The following ZNF804A variants were observed in gnomAD, a reference collection of about 807,000 sequenced individuals.
The protein encoded by ZNF804A is zinc finger protein 804A.
Under a neutral mutation model 16.5 loss-of-function variants are expected in ZNF804A, and 2 were observed. The ratio of observed to expected loss-of-function variants is 0.12; its 90% CI spans 0.05 to 0.38. The LOEUF (loss-of-function observed/expected upper bound fraction) is 0.38, where lower values mean the gene tolerates loss of function less well. Among genes scored for constraint, ZNF804A ranks in the 10% least tolerant of loss-of-function variants. The pLI, the probability that ZNF804A is intolerant of heterozygous loss-of-function variation, is 0.99. For synonymous variants in ZNF804A, 534 were observed against 489.6 expected, an observed-to-expected ratio of 1.09 and a Z score of -1.20; for missense variants, 1,473 against 1,390.7, an observed-to-expected ratio of 1.06 and a Z score of -0.94.
chr2:184,625,124 G>T (rs1398192055), intron 1 of ZNF804A, among the ~76,000 whole-genome samples: 1 of 152,246 alleles, frequency 6.6e-6, no homozygotes, highest in Non-Finnish European at 1.5e-5. Context: ...AAATGAAAAT[G>T]TCAAGAATCA....
At chr2:184,789,774 C>T (rs1263598817) in intron 1 of ZNF804A, among the ~76,000 whole-genome samples, 2 of 151,998 alleles carry the variant, frequency 1.3e-5, no homozygotes, top group African/African-American at 4.8e-5. Context: ...TTTCAAGAAA[C>T]CAACTTTTAG....
chr2:184,850,890 A>G (rs1040965538), intron 1 of ZNF804A, among the ~76,000 whole-genome samples: 4 of 151,816 alleles, frequency 2.6e-5, no homozygotes, highest in African/African-American at 7.2e-5. Context: ...TACAACTACT[A>G]TTCATCAATG....
At chr2:184,834,552 C>T (rs144347231) in intron 1 of ZNF804A, among the ~76,000 whole-genome samples, 143 of 152,214 alleles carry the variant, frequency 9.4e-4, no homozygotes, top group African/African-American at 3.3e-3. Context: ...CTTGCTGCTG[C>T]TCCCTTTACC....
chr2:184,600,563 A>T (rs777045558), intron 1 of ZNF804A, among the ~76,000 whole-genome samples: 2 of 152,176 alleles, frequency 1.3e-5, no homozygotes, highest in South Asian at 4.1e-4. Flanking sequence ...TGGGGGAAAA[A>T]CTTTCAGTCT....
chr2:184,937,915 C>A lies in ZNF804A; in HGVS notation c.2519C>A (p.Ser840Tyr). ...ACAGATTATCCCGTGAAAGACAATT[C>A]TTCCTTAAATCCTCTGGATAGGTTA... Reference protein sequence around the residue: ...ENTDYPVKDNSSLNPLDRLIS... With the variant: ...ENTDYPVKDNYSLNPLDRLIS... The change falls in exon 4 of 4, where the codon TCT becomes TAT. Residue 840 changes from serine (S) to tyrosine (Y), a missense_variant. Ser to Tyr is a moderately radical substitution (Grantham distance 144). Transcript: ENST00000302277. 2 of 1,614,084 alleles carry A rather than the reference C, an allele frequency of 1.2e-6. No individual in the cohort carries two copies. Among genetic ancestry groups the A allele is most frequent in the Non-Finnish European group, 1.7e-6 (2 of 1,180,008 alleles).
intron 2 of ZNF804A, among the ~76,000 whole-genome samples, chr2:184,922,752 A>C (rs1364164281): frequency 1.3e-5 from 2 of 152,062 alleles, no homozygotes; most frequent in Non-Finnish European, 2.9e-5. Context: ...GGCAAAAAAT[A>C]GGAGTCTAAT....
chr2:184,792,046 C>G (rs1367135023), intron 1 of ZNF804A, among the ~76,000 whole-genome samples: 2 of 152,110 alleles, frequency 1.3e-5, no homozygotes, highest in Admixed American at 1.3e-4. Context: ...TCTAAATGTA[C>G]AACAGTTTAT....
intron 1 of ZNF804A, among the ~76,000 whole-genome samples, chr2:184,645,997 G>T (rs574180953): frequency 1.3e-5 from 2 of 152,246 alleles, no homozygotes; most frequent in South Asian, 4.1e-4. Flanking sequence ...GTCCTGGAGT[G>T]AACTTGTGAG....
In ZNF804A at chr2:184,819,552, C is replaced by A. The variant is rs1234574089; in HGVS notation, c.112-46817C>A. Among the ~76,000 whole-genome samples, 5 of 151,352 alleles carry A rather than the reference C, an allele frequency of 3.3e-5. No individual in the cohort carries two copies. In the East Asian group the frequency reaches 9.7e-4, roughly 29 times the overall value. ...AACAAACCCAAAATCTAGCAGAAGA[C>A]AAGAAATAACCAAGATCAGAGTGAA... On this transcript the variant is annotated intron_variant, in intron 1 of 3. Coordinates refer to ENST00000302277, the MANE Select transcript of ZNF804A (RefSeq NM_194250.2).
chr2:184,749,947 C>A (rs1240757349), intron 1 of ZNF804A, among the ~76,000 whole-genome samples: 1 of 151,210 alleles, frequency 6.6e-6, no homozygotes, highest in Non-Finnish European at 1.5e-5. Flanking sequence ...GCTGTCAGAA[C>A]ATTTTAGTGG....
chr2:184,728,049 A>C (rs990846875), intron 1 of ZNF804A, among the ~76,000 whole-genome samples: 2 of 151,802 alleles, frequency 1.3e-5, no homozygotes, highest in African/African-American at 4.8e-5. Flanking sequence ...TATAGCAGTC[A>C]GATGACCCAT....
intron 1 of ZNF804A, among the ~76,000 whole-genome samples, chr2:184,826,162 G>A (rs1176004968): frequency 6.6e-6 from 1 of 152,090 alleles, no homozygotes; most frequent in Non-Finnish European, 1.5e-5. Context: ...GGGATTACAA[G>A]CATGAGCAAC....
At chr2:184,933,119 A>T (rs1003137477) in intron 2 of ZNF804A, among the ~76,000 whole-genome samples, 2 of 143,240 alleles carry the variant, frequency 1.4e-5, no homozygotes, top group Non-Finnish European at 3.0e-5. Flanking sequence ...TTTCCTAATA[A>T]ACTTTTCACT....
intron 1 of ZNF804A, among the ~76,000 whole-genome samples, chr2:184,758,754 C>T (rs550963094): frequency 2.0e-5 from 3 of 151,914 alleles, no homozygotes; most frequent in South Asian, 4.2e-4. Context: ...CATAATGCCT[C>T]TCCATTGCAA....
chr2:184,885,484 A>G (rs906244091), intron 2 of ZNF804A, among the ~76,000 whole-genome samples: 1 of 152,214 alleles, frequency 6.6e-6, no homozygotes, highest in Admixed American at 6.5e-5. Context: ...TGGTACATTT[A>G]CACCATGGAA....
In ZNF804A at chr2:184,615,860, C is replaced by T. The variant is rs184261110; in HGVS notation, c.111+16790C>T. ...TGCAGCAGGGTTAAGAGAAGGGAGTCCCAGCGAGTCTTCAGTCACCACACA... is the reference window on the plus strand; with the variant it reads ...TGCAGCAGGGTTAAGAGAAGGGAGTTCCAGCGAGTCTTCAGTCACCACACA... On this transcript the variant is annotated intron_variant, in intron 1 of 3. Transcript: ENST00000302277. Among the ~76,000 whole-genome samples the T allele has an allele frequency of 4.6e-5, 7 of 152,224 alleles. No homozygotes were observed. In the East Asian group the frequency reaches 5.8e-4, roughly 13 times the overall value.
chr2:184,685,880 G>A (rs1014683978), intron 1 of ZNF804A, among the ~76,000 whole-genome samples: 4 of 152,152 alleles, frequency 2.6e-5, no homozygotes, highest in African/African-American at 9.7e-5. Flanking sequence ...AGTCCTTAGC[G>A]CCCAGGCTGT....
At chr2:184,813,784 A>G (rs1694934689) in intron 1 of ZNF804A, among the ~76,000 whole-genome samples, 1 of 151,918 alleles carries the variant, frequency 6.6e-6, no homozygotes. Context: ...CCCTATGACA[A>G]CCATTCAAAA....
At chr2:184,890,127 G>C (rs946954060) in intron 2 of ZNF804A, among the ~76,000 whole-genome samples, 1 of 152,216 alleles carries the variant, frequency 6.6e-6, no homozygotes, top group South Asian at 2.1e-4. Flanking sequence ...ATCAAGGAAA[G>C]TATGATTCAT....
Sources: allele counts gnomAD v4.1 joint callset (sites outside exome capture counted in the v4.1 genomes callset), GRCh38; gene constraint gnomAD v4.1.1; transcripts MANE v1.5; gene names NCBI Gene and HGNC (gene_info 2026-07-23, HGNC 2026-07-21).